PLD5: variants seen among roughly 807,000 people sequenced by gnomAD.
PLD5 encodes inactive phospholipase D5.
In PLD5, 36 loss-of-function variants were observed where a neutral mutation model predicts 61.1. The ratio of observed to expected loss-of-function variants is 0.59; its 90% CI spans 0.45 to 0.78. PLD5 has a LOEUF of 0.78. Among genes scored for constraint, PLD5 ranks in the 30% least tolerant of loss-of-function variants. The probability of loss-of-function intolerance (pLI) is 0.00; values close to 1 mark genes in which losing one functional copy is unlikely to be tolerated. For synonymous variants in PLD5, 243 were observed against 242.8 expected, an observed-to-expected ratio of 1.00 and a Z score of -0.01; for missense variants, 515 against 644.4, an observed-to-expected ratio of 0.80 and a Z score of 2.17.
intron 1 of PLD5, among the ~76,000 whole-genome samples, chr1:242,427,976 C>G (rs956502749): frequency 3.3e-5 from 5 of 152,132 alleles, no homozygotes; most frequent in Non-Finnish European, 7.4e-5. Flanking sequence ...AAATTGTAAC[C>G]AGACTGAAAC....
intron 5 of PLD5, among the ~76,000 whole-genome samples, chr1:242,145,180 G>A (rs1664458492): frequency 6.6e-6 from 1 of 152,144 alleles, no homozygotes; most frequent in Non-Finnish European, 1.5e-5. Context: ...GCTATGCTCT[G>A]TATCCCCCTG....
intron 5 of PLD5, among the ~76,000 whole-genome samples, chr1:242,199,601 A>C (rs1668857081): frequency 6.6e-6 from 1 of 152,218 alleles, no homozygotes; most frequent in Non-Finnish European, 1.5e-5. Flanking sequence ...CTGTGGTGAA[A>C]TCACGGCCTT....
intron 4 of PLD5, among the ~76,000 whole-genome samples, chr1:242,221,176 T>A (rs1670563150): frequency 6.6e-6 from 1 of 152,222 alleles, no homozygotes; most frequent in Admixed American, 6.5e-5. Context: ...GGATCCAGTG[T>A]CAAGCCTTTA....
chr1:242,321,894 C>T (rs183124276), intron 2 of PLD5, among the ~76,000 whole-genome samples: 246 of 152,296 alleles, frequency 1.6e-3, no homozygotes, highest in African/African-American at 5.5e-3. Flanking sequence ...TTCACCCCTA[C>T]GCAGTTGTGT....
At chr1:242,197,818 A>AAG (rs1253844232) in intron 5 of PLD5, among the ~76,000 whole-genome samples, 2 of 151,888 alleles carry the variant, frequency 1.3e-5, no homozygotes, top group African/African-American at 4.8e-5. Flanking sequence ...TATTTTTGCA[A>AAG]AGACGGGGTT....
intron 9 of PLD5, among the ~76,000 whole-genome samples, chr1:242,096,668 T>C (rs1449332445): frequency 6.9e-6 from 1 of 144,272 alleles, no homozygotes; most frequent in African/African-American, 2.6e-5. Flanking sequence ...TGTTTGTTTG[T>C]TTTAAGTCTT....
intron 2 of PLD5, among the ~76,000 whole-genome samples, chr1:242,313,409 T>C (rs1304457363): frequency 6.6e-6 from 1 of 152,206 alleles, no homozygotes; most frequent in Non-Finnish European, 1.5e-5. Flanking sequence ...TCCTAAGTCA[T>C]GCTTGTTCAC....
intron 4 of PLD5, among the ~76,000 whole-genome samples, chr1:242,261,034 G>A (rs1294508696): frequency 6.6e-6 from 1 of 152,090 alleles, no homozygotes; most frequent in Non-Finnish European, 1.5e-5. Context: ...ATGATAAGAC[G>A]GTTCTAAAAT....
chr1:242,304,896 C>A (rs11809947), intron 2 of PLD5, among the ~76,000 whole-genome samples: 92,670 of 151,878 alleles, frequency 0.61, 30,420 homozygotes, highest in Non-Finnish European at 0.73. Context: ...TTGTGCCCAG[C>A]AGTTCAAGAC....
At chr1:242,451,948 A>G (rs1666795526) in intron 1 of PLD5, among the ~76,000 whole-genome samples, 1 of 152,136 alleles carries the variant, frequency 6.6e-6, no homozygotes, top group Admixed American at 6.5e-5. Context: ...CAATACCTCC[A>G]GGCCTTTGCA....
At chr1:242,341,934 G>A (rs1038455054) in intron 2 of PLD5, among the ~76,000 whole-genome samples, 9 of 150,664 alleles carry the variant, frequency 6.0e-5, no homozygotes, top group Non-Finnish European at 7.4e-5. Context: ...ACCCAGGCAC[G>A]GGGGCTGATT....
At chr1:242,458,298 C>T (rs974794198) in intron 1 of PLD5, among the ~76,000 whole-genome samples, 2 of 152,230 alleles carry the variant, frequency 1.3e-5, no homozygotes, top group African/African-American at 2.4e-5. Flanking sequence ...TCTCACTACA[C>T]CATTGTTGAT....
chr1:242,480,302 A>G (rs1667730435), intron 1 of PLD5, among the ~76,000 whole-genome samples: 1 of 152,206 alleles, frequency 6.6e-6, no homozygotes. Context: ...ATAAATGGAT[A>G]GCAACATGAA....
intron 5 of PLD5, chr1:242,192,295 T>G (rs553679904): frequency 6.6e-6 from 1 of 152,352 alleles, no homozygotes; most frequent in South Asian, 2.1e-4. Flanking sequence ...CTTCAGAGGC[T>G]GCCTGAAAGG....
At position 242,219,303 on chromosome 1, in the gene PLD5, C is replaced by T. The variant is rs115890283; in HGVS notation, c.735+685G>A. Among the ~76,000 whole-genome samples, 862 of 151,940 alleles carry T rather than the reference C, an allele frequency of 5.7e-3. 8 individuals are homozygous for T. The highest frequency in any genetic ancestry group is 0.019 in the African/African-American group (788 of 41,436). On this transcript the variant is annotated intron_variant, in intron 5 of 9. Coordinates refer to ENST00000536534, the MANE Select transcript of PLD5 (RefSeq NM_001372062.1). ...TGAGAGCTGTGGGGAAATAATGGGC[C>T]GGGGAGGAGACAATATCTGTGTGTA... is the stretch of plus-strand genomic sequence containing the variant.
intron 8 of PLD5, among the ~76,000 whole-genome samples, chr1:242,102,036 G>T (rs1295638928): frequency 6.6e-6 from 1 of 152,080 alleles, no homozygotes; most frequent in Non-Finnish European, 1.5e-5. Flanking sequence ...AATCTGCATT[G>T]GTTTCTGGAC....
chr1:242,454,470 GGAAAAAAAAA>G (rs965674507), intron 1 of PLD5, among the ~76,000 whole-genome samples: 7 of 151,254 alleles, frequency 4.6e-5, no homozygotes, highest in South Asian at 2.1e-4. Flanking sequence ...TGTTGGCAGA[GGAAAAAAAAA>G]GAAAAAAATG....
rs143917125 is a variant in PLD5, at chr1:242,167,580, T to TAACA, written c.736-42919_736-42916dup. On this transcript the variant is annotated intron_variant, in intron 5 of 9. Coordinates refer to ENST00000536534, the MANE Select transcript of PLD5 (RefSeq NM_001372062.1). ...TGGGGACACAGCCAAACCATATCACTAACATTTATGGAACCTTTAATAACT... is the reference window on the plus strand; with the variant it reads ...TGGGGACACAGCCAAACCATATCACTAACAAACATTTATGGAACCTTTAATAACT... Among the ~76,000 whole-genome samples the TAACA allele has an allele frequency of 8.4e-3, 1,286 of 152,298 alleles. 18 individuals are homozygous for TAACA. The highest frequency in any genetic ancestry group is 0.03 in the African/African-American group (1,235 of 41,570).
At chr1:242,484,894 G>C (rs1667905054) in intron 1 of PLD5, among the ~76,000 whole-genome samples, 1 of 152,140 alleles carries the variant, frequency 6.6e-6, no homozygotes, top group African/African-American at 2.4e-5. Flanking sequence ...GGGATGCAAG[G>C]CTGGTTTAAC....
Sources: gnomAD v4.1 joint callset for allele counts (sites outside exome capture counted in the v4.1 genomes callset) on GRCh38, gnomAD v4.1.1 for gene constraint, MANE v1.5 for transcripts, NCBI Gene and HGNC (gene_info 2026-07-23, HGNC 2026-07-21) for gene names.